The following TERF2 variants were observed in gnomAD, a reference collection of about 807,000 sequenced individuals.
The protein encoded by TERF2 is telomeric repeat binding factor 2.
Under a neutral mutation model 56.1 loss-of-function variants are expected in TERF2, and 16 were observed. That is an observed-to-expected ratio of 0.29 (90% CI 0.19 to 0.43). The LOEUF (loss-of-function observed/expected upper bound fraction) is 0.43, where lower values mean the gene tolerates loss of function less well. Among genes scored for constraint, TERF2 ranks in the 20% least tolerant of loss-of-function variants. The pLI is 1.00. For synonymous variants in TERF2, 296 were observed against 282.1 expected, an observed-to-expected ratio of 1.05 and a Z score of -0.50; for missense variants, 547 against 712.9, an observed-to-expected ratio of 0.77 and a Z score of 2.65.
At chr16:69,373,886 G>A (rs2013668276) in intron 3 of TERF2, among the ~76,000 whole-genome samples, 2 of 148,354 alleles carry the variant, frequency 1.3e-5, no homozygotes, top group Admixed American at 1.3e-4. Context: ...TCTTCACAGG[G>A]AAGAATGTAC....
At chr16:69,380,920 G>C (rs989843166) in intron 3 of TERF2, among the ~76,000 whole-genome samples, 2 of 150,306 alleles carry the variant, frequency 1.3e-5, no homozygotes, top group Admixed American at 1.3e-4. Context: ...TCCTGCCTCA[G>C]TCTCCCGAGT....
chr16:69,369,804 C>T (rs2142735142), intron 5 of TERF2, among the ~76,000 whole-genome samples: 1 of 152,332 alleles, frequency 6.6e-6, no homozygotes, highest in South Asian at 2.1e-4. Context: ...CCTTTCTCCA[C>T]ACCATGCCTT....
chr16:69,385,319 A>G, intron 2 of TERF2, 72 bp downstream of exon 2: 2 of 1,293,052 alleles, frequency 1.5e-6, no homozygotes, highest in South Asian at 2.4e-5. Flanking sequence ...GGAATCCTTC[A>G]GTTCTAGATA....
chr16:69,378,545 G>T (rs1031210125), intron 3 of TERF2, among the ~76,000 whole-genome samples: 2 of 152,204 alleles, frequency 1.3e-5, no homozygotes, highest in East Asian at 3.8e-4. Flanking sequence ...GAAAGAGAAA[G>T]CTTCTCTTGG....
intron 7 of TERF2, chr16:69,365,020 C>T (rs1023798413): frequency 6.6e-6 from 1 of 152,284 alleles, no homozygotes; most frequent in Non-Finnish European, 1.5e-5. Flanking sequence ...GATTTGGCCC[C>T]AGGGCCACAG....
At chr16:69,379,177 GGAAGA>G (rs1377545662) in intron 3 of TERF2, among the ~76,000 whole-genome samples, 1 of 152,142 alleles carries the variant, frequency 6.6e-6, no homozygotes, top group Non-Finnish European at 1.5e-5. Context: ...TATTAACAAA[GGAAGA>G]GAAGAAGACC....
At chr16:69,361,366 A>G (rs2013131727) in intron 8 of TERF2, 38 bp downstream of exon 8, 2 of 1,414,964 alleles carry the variant, frequency 1.4e-6, no homozygotes, top group Non-Finnish European at 2.0e-6. Context: ...GTACTTCAGC[A>G]AGCATCAAGA....
intron 7 of TERF2, among the ~76,000 whole-genome samples, chr16:69,364,560 C>T (rs2013268614): frequency 6.6e-6 from 1 of 151,804 alleles, no homozygotes; most frequent in Non-Finnish European, 1.5e-5. Context: ...ACTCTCCTAC[C>T]TTCACTCTTT....
chr16:69,358,648 C>CCTAG (rs1217626060), intron 8 of TERF2, among the ~76,000 whole-genome samples: 1 of 152,118 alleles, frequency 6.6e-6, no homozygotes, highest in East Asian at 1.9e-4. Context: ...GATGGTAGAG[C>CCTAG]CTAGGCTCTA....
At chr16:69,368,952 A>G (rs2013459520) in intron 5 of TERF2, among the ~76,000 whole-genome samples, 2 of 152,222 alleles carry the variant, frequency 1.3e-5, no homozygotes, top group South Asian at 4.1e-4. Context: ...CTGGGATTAC[A>G]GGCATGAGCC....
Position 69,368,248 on chromosome 16 carries a change from T to C in TERF2, c.947+128A>G, listed in dbSNP as rs192096396. 9.9e-4 allele frequency: 818 copies of C among 822,372 alleles called. 5 individuals carry two copies. The highest frequency in any genetic ancestry group is 3.9e-4 in the Non-Finnish European group (202 of 521,270). The allele number at this position is 822,372 out of a possible 1,614,324, so 50.9% of individuals were successfully genotyped here. On this transcript the variant is annotated intron_variant, in intron 6 of 9. Transcript: ENST00000254942. ...GTGTGCAGTCTCCCCCAGTGCCTTG[T>C]ATGAGTAACCTCGTAACACGTTAGT...
intron 7 of TERF2, among the ~76,000 whole-genome samples, chr16:69,363,594 C>T (rs1245844752): frequency 1.3e-5 from 2 of 152,160 alleles, no homozygotes; most frequent in Non-Finnish European, 2.9e-5. Flanking sequence ...TGGCAAGCTA[C>T]AGTCTGGCTG....
At chr16:69,359,292 C>A (rs1007999191) in intron 8 of TERF2, among the ~76,000 whole-genome samples, 1 of 152,136 alleles carries the variant, frequency 6.6e-6, no homozygotes, top group Non-Finnish European at 1.5e-5. Context: ...CTTTGGGAGG[C>A]CAAGGCGGGC....
rs756185060 is a variant in TERF2, at chr16:69,366,977, C to T, written c.1170G>A (p.Ser390=). 6 of 1,614,192 alleles carry T rather than the reference C, an allele frequency of 3.7e-6. No individual in the cohort carries two copies. Among genetic ancestry groups the T allele is most frequent in the Admixed American group, 1.7e-5 (1 of 60,022 alleles). Reference sequence around the variant, plus strand: ...TGCGCTTGTTCTTGGGCTGCAGTTCCGAGCCACCCTCACCGTCAGCCGGGG... The same window carrying T: ...TGCGCTTGTTCTTGGGCTGCAGTTCTGAGCCACCCTCACCGTCAGCCGGGG... The part of the protein sequence containing the change: ...SSAPADGEGG[S]ELQPKNKRMT... The change falls in exon 7 of 10, where the codon TCG becomes TCA. Residue 390 remains serine, a synonymous_variant. Coordinates refer to ENST00000254942, the MANE Select transcript of TERF2 (RefSeq NM_005652.5).
chr16:69,357,938 TC>T (rs1286440744), intron 8 of TERF2, among the ~76,000 whole-genome samples: 9 of 144,504 alleles, frequency 6.2e-5, no homozygotes, highest in Non-Finnish European at 1.1e-4. Flanking sequence ...AAGCTCCGCC[TC>T]CCAGGTTCAC....
chr16:69,357,323 G>C (rs1157653944), intron 9 of TERF2, among the ~76,000 whole-genome samples, 195 bp downstream of exon 9: 1 of 152,128 alleles, frequency 6.6e-6, no homozygotes, highest in African/African-American at 2.4e-5. Flanking sequence ...TCATGTTCCG[G>C]AAAATGTGTC....
Position 69,356,008 on chromosome 16 carries a change from CCAG to C in TERF2, c.*887_*889del, listed in dbSNP as rs2012882897. On this transcript the variant is annotated 3_prime_UTR_variant, in exon 10 of 10. Coordinates refer to ENST00000254942, the MANE Select transcript of TERF2 (RefSeq NM_005652.5). ...TGGAGGATTAACCTGCCTACATAGC[CCAG>C]CAGATGTTGACAGCAAATGCCAAGG... is the stretch of plus-strand genomic sequence containing the variant. 6.6e-6 allele frequency: 2 copies of C among 303,456 alleles called. No individual in the cohort carries two copies. Among genetic ancestry groups the C allele is most frequent in the Non-Finnish European group, 1.3e-5 (2 of 152,878 alleles). 18.8% of individuals were successfully genotyped at this position (303,456 alleles called of 1,614,324 possible).
At chr16:69,376,947 T>C (rs1348105549) in intron 3 of TERF2, among the ~76,000 whole-genome samples, 2 of 150,660 alleles carry the variant, frequency 1.3e-5, no homozygotes, top group African/African-American at 4.9e-5. Context: ...ACGTCTGTAA[T>C]CCCAGCACTC....
At chr16:69,372,378 T>G in intron 3 of TERF2, 23 bp from the exon 4 acceptor site, 1 of 1,518,568 alleles carries the variant, frequency 6.6e-7, no homozygotes, top group Middle Eastern at 1.9e-4. Flanking sequence ...GGAAAAATCT[T>G]TTTTTACTTT....
Sources: allele counts gnomAD v4.1 joint callset (sites outside exome capture counted in the v4.1 genomes callset), GRCh38; gene constraint gnomAD v4.1.1; transcripts MANE v1.5; gene names NCBI Gene and HGNC (gene_info 2026-07-23, HGNC 2026-07-21).